RBM4: variants seen among roughly 807,000 people sequenced by gnomAD.
RBM4 encodes the protein RNA-binding protein 4.
Under a neutral mutation model 29.5 loss-of-function variants are expected in RBM4, and 7 were observed. The observed-to-expected ratio is 0.24, with a 90% CI of 0.14 to 0.45. RBM4 has a LOEUF of 0.45. Among genes scored for constraint, RBM4 ranks in the 20% least tolerant of loss-of-function variants. The pLI, the probability that RBM4 is intolerant of heterozygous loss-of-function variation, is 1.00. For synonymous variants in RBM4, 220 were observed against 205.4 expected, an observed-to-expected ratio of 1.07 and a Z score of -0.61; for missense variants, 387 against 502.3, an observed-to-expected ratio of 0.77 and a Z score of 2.19.
intron 2 of RBM4, among the ~76,000 whole-genome samples, chr11:66,659,617 T>C (rs997909647): frequency 1.3e-5 from 2 of 152,158 alleles, no homozygotes; most frequent in African/African-American, 2.4e-5. Context: ...ATATCTGAGA[T>C]AGAGCTCCTG....
intron 2 of RBM4, among the ~76,000 whole-genome samples, chr11:66,656,026 A>G (rs1938942700): frequency 6.6e-6 from 1 of 151,888 alleles, no homozygotes. Context: ...GCTGGAGTGC[A>G]ATGGTGCAAT....
exon 3 of RBM4, chr11:66,667,198 G>A (rs1222784036): frequency 6.6e-6 from 1 of 152,180 alleles, no homozygotes; most frequent in Admixed American, 6.5e-5. Flanking sequence ...GGAAAACCAT[G>A]AGAATATAAA....
intron 2 of RBM4, among the ~76,000 whole-genome samples, chr11:66,642,805 C>T (rs1450518008): frequency 6.6e-6 from 1 of 152,150 alleles, no homozygotes; most frequent in Non-Finnish European, 1.5e-5. Flanking sequence ...CTCGTTAAAG[C>T]AATGATCAGA....
At position 66,646,010 on chromosome 11, in the gene RBM4, A is replaced by G; in HGVS notation, c.*9-17A>G. The stretch of plus-strand genomic sequence containing the variant: ...TTGAGCTTTGCTGTAAAGCCGCTGT[A>G]TTGTGCTCTCTTTCAGGTGGGATGT... On this transcript the variant is annotated splice_polypyrimidine_tract_variant and intron_variant, in intron 3 of 3. Coordinates refer to ENST00000310092, the MANE Select transcript of RBM4 (RefSeq NM_002896.4). 5.2e-6 allele frequency: 8 copies of G among 1,536,064 alleles called. No individual in the cohort carries two copies. The highest frequency in any genetic ancestry group is 7.0e-6 in the Non-Finnish European group (8 of 1,146,884).
Position 66,644,055 on chromosome 11 carries a change from G to T in RBM4, c.1018G>T (p.Ala340Ser). The part of the protein sequence containing the change: ...ESELSQASAA[A>S]RNSLYDMARY... ...TGAGTTGTCCCAAGCTTCAGCAGCC[G>T]CGCGGAATTCTCTGTACGACATGGC... Residue 340 changes from alanine to serine, a missense_variant, in exon 3 of 4, where the codon GCG becomes TCG. Ala to Ser is a moderately conservative substitution (Grantham distance 99, BLOSUM62 1). Transcript: ENST00000310092. The T allele has an allele frequency of 1.2e-6, 2 of 1,614,006 alleles. No homozygotes were observed.
At chr11:66,651,343 A>G (rs552152023), downstream of RBM4, among the ~76,000 whole-genome samples, 1 of 151,724 alleles carries the variant, frequency 6.6e-6, no homozygotes, top group African/African-American at 2.4e-5. Flanking sequence ...GTAGCAAGAG[A>G]AAGTACTTTT....
At chr11:66,666,539 T>C (rs1183163875) in exon 3 of RBM4, 3 of 656,744 alleles carry the variant, frequency 4.6e-6, no homozygotes, top group African/African-American at 2.0e-5. Context: ...AAGAGGTTAG[T>C]TGAACAACCA....
intron 3 of RBM4, among the ~76,000 whole-genome samples, chr11:66,645,015 C>T (rs1407997149): frequency 6.6e-6 from 1 of 151,998 alleles, no homozygotes; most frequent in Non-Finnish European, 1.5e-5. Context: ...AATGCAGGCA[C>T]ACCTGTTAAT....
intron 2 of RBM4, 89 bp downstream of exon 2, chr11:66,640,212 A>G: frequency 6.4e-7 from 1 of 1,550,712 alleles, no homozygotes; most frequent in Non-Finnish European, 8.9e-7. Flanking sequence ...TGGTAAAGAT[A>G]ACAGCTGTTG....
Position 66,643,299 on chromosome 11 carries a change from T to C in RBM4, c.413-151T>C. On this transcript the variant is annotated intron_variant, in intron 2 of 3. Coordinates refer to ENST00000310092, the MANE Select transcript of RBM4 (RefSeq NM_002896.4). This position sits in a 1 kb window ranked among gnomAD's most constrained non-coding sequence, Gnocchi z 6.1. ...CATTATACTGAATCTATATGTTGAG[T>C]CTTTTTTTTTTTTCCTTTTTATCTT... 3 of 1,015,974 alleles carry C rather than the reference T, an allele frequency of 3.0e-6. No homozygotes were observed. The highest frequency in any genetic ancestry group is 2.8e-6 in the Non-Finnish European group (2 of 726,298). The allele number at this position is 1,015,974 out of a possible 1,614,324, so 62.9% of individuals were successfully genotyped here. A position where few individuals can be genotyped will look rare whatever the true frequency, so the allele number is the denominator to read the frequency against.
chr11:66,643,982 A>T lies in RBM4; in HGVS notation c.945A>T (p.Thr315=), dbSNP rs766456995. Residue 315 remains threonine, a synonymous_variant, in exon 3 of 4, where the codon ACA becomes ACT. Coordinates refer to ENST00000310092, the MANE Select transcript of RBM4 (RefSeq NM_002896.4). The surrounding 1 kb of genome is among the most constrained non-coding windows in gnomAD (Gnocchi z 6.1). ...ATCGGAGCCCCCTGCGTCGCGCTAC[A>T]GCCCCAGTCCCCACTGTTGGAGAGG... is the stretch of plus-strand genomic sequence containing the variant. ...GRDRSPLRRA[T]APVPTVGEGY... 1.2e-6 allele frequency: 2 copies of T among 1,613,362 alleles called. No individual in the cohort carries two copies. Among genetic ancestry groups the T allele is most frequent in the Non-Finnish European group, 1.7e-6 (2 of 1,180,024 alleles).
At chr11:66,661,592 A>C (rs980519410) in intron 2 of RBM4, among the ~76,000 whole-genome samples, 3 of 152,204 alleles carry the variant, frequency 2.0e-5, no homozygotes, top group African/African-American at 7.2e-5. Context: ...GTAGGAATTC[A>C]AACAGTTGAT....
intron 2 of RBM4, among the ~76,000 whole-genome samples, chr11:66,658,661 G>A (rs952433413): frequency 6.6e-6 from 1 of 151,942 alleles, no homozygotes; most frequent in Non-Finnish European, 1.5e-5. Flanking sequence ...TATAAGCCAG[G>A]CGCAGTGGCT....
At chr11:66,668,357 T>C (rs1347505004) in exon 3 of RBM4, 1 of 422,358 alleles carries the variant, frequency 2.4e-6, no homozygotes, top group African/African-American at 2.0e-5. Context: ...TTACAACTGA[T>C]TAAAGAATGT....
chr11:66,666,498 A>C lies in RBM4; in HGVS notation c.*533A>C, dbSNP rs1000670481. 6.2e-6 allele frequency: 6 copies of C among 973,930 alleles called. 1 individual carries two copies. The African/African-American group carries it at 1.1e-4, about 17-fold the overall frequency. 60.3% of individuals were successfully genotyped at this position (973,930 alleles called of 1,614,324 possible). ...CAGTCCATTTGAGGTTCACACCTGG[A>C]AGGTAAGTTTCTTTAAAAGTCATCG... On this transcript the variant is annotated 3_prime_UTR_variant, in exon 3 of 3. Transcript: ENST00000396053.
intron 2 of RBM4, among the ~76,000 whole-genome samples, chr11:66,657,140 G>A (rs565010754): frequency 4.5e-5 from 6 of 133,408 alleles, no homozygotes; most frequent in Admixed American, 7.9e-5. Flanking sequence ...TTTTAGGTGC[G>A]GTCTTGCTCT....
rs1214593278 is a variant in RBM4, at chr11:66,639,997, G to A, written c.286G>A (p.Ala96Thr). 6.2e-7 allele frequency: 1 copy of A among 1,614,072 alleles called. No individual in the cohort carries two copies. The highest frequency in any genetic ancestry group is 2.2e-5 in the East Asian group (1 of 44,904). The part of the protein sequence containing the change: ...SPTCTNKELR[A>T]KFEEYGPVIE... Reference sequence around the variant, plus strand: ...CACCTGCACCAATAAGGAGCTTCGAGCCAAGTTTGAGGAGTATGGTCCGGT... The same window carrying A: ...CACCTGCACCAATAAGGAGCTTCGAACCAAGTTTGAGGAGTATGGTCCGGT... Residue 96 changes from alanine (A) to threonine (T), a missense_variant, in exon 2 of 4, where the codon GCC becomes ACC. By Grantham distance (58) the Ala-to-Thr change is moderately conservative. Transcript: ENST00000310092.
intron 2 of RBM4, among the ~76,000 whole-genome samples, chr11:66,652,039 A>G (rs1938843297): frequency 6.6e-6 from 1 of 152,194 alleles, no homozygotes; most frequent in South Asian, 2.1e-4. Flanking sequence ...GCAGCTCTGA[A>G]TATTAAAATA....
chr11:66,651,122 C>CGG (rs144427782), downstream of RBM4, among the ~76,000 whole-genome samples: 3 of 150,806 alleles, frequency 2.0e-5, no homozygotes, highest in African/African-American at 7.3e-5. Flanking sequence ...AAAGTAGACT[C>CGG]GGGGGGGGAT....
Sources: allele counts gnomAD v4.1 joint callset (sites outside exome capture counted in the v4.1 genomes callset), GRCh38; gene constraint gnomAD v4.1.1; non-coding constraint Gnocchi (gnomAD v3.1); transcripts MANE v1.5; gene names NCBI Gene and HGNC (gene_info 2026-07-23, HGNC 2026-07-21).